The following SNED1 variants were observed in gnomAD, a reference collection of about 807,000 sequenced individuals.
SNED1 encodes sushi, nidogen and EGF like domains 1.
SNED1 carries 81 observed loss-of-function variants against 166.7 expected under a neutral mutation model. The ratio of observed to expected loss-of-function variants is 0.49; its 90% CI spans 0.41 to 0.58. The LOEUF (loss-of-function observed/expected upper bound fraction) is 0.58. Ranked by LOEUF, SNED1 falls within the 20% of genes least tolerant of loss-of-function variation. The pLI is 0.00. For missense variants in SNED1, 1,604 were observed against 2,000.2 expected (o/e 0.80, Z 3.78); for synonymous variants, 762 against 822.0 (o/e 0.93, Z 1.25).
At chr2:241,012,997 G>A (rs540957850) in intron 1 of SNED1, among the ~76,000 whole-genome samples, 5 of 151,926 alleles carry the variant, frequency 3.3e-5, no homozygotes, top group South Asian at 2.1e-4. Flanking sequence ...CACCACGCCC[G>A]CTAATTTTTT....
chr2:241,033,602 A>G, intron 2 of SNED1, 133 bp from the exon 3 acceptor site: 2 of 1,053,070 alleles, frequency 1.9e-6, no homozygotes, highest in Non-Finnish European at 2.7e-6. Flanking sequence ...CTGCCCGTCC[A>G]GCTGGAAGAC....
chr2:241,034,524 C>T (rs1228120231), intron 3 of SNED1, 44 bp from the exon 4 acceptor site: 3 of 1,534,284 alleles, frequency 2.0e-6, no homozygotes, highest in East Asian at 2.3e-5. Flanking sequence ...CTCTGTAGAC[C>T]TGGGGAACTG....
chr2:241,035,975 G>C (rs1574947583), intron 4 of SNED1, among the ~76,000 whole-genome samples: 1 of 68,098 alleles, frequency 1.5e-5, no homozygotes, highest in Non-Finnish European at 2.8e-5. Context: ...GGGCGTAGTA[G>C]GGGTGGGGGG....
At chr2:241,050,213 T>A (rs1015014192) in intron 12 of SNED1, among the ~76,000 whole-genome samples, 1 of 152,234 alleles carries the variant, frequency 6.6e-6, no homozygotes, top group African/African-American at 2.4e-5. Flanking sequence ...GATTTTAGAA[T>A]CATTATATCA....
intron 1 of SNED1, among the ~76,000 whole-genome samples, chr2:241,001,555 C>T (rs1030203700): frequency 2.0e-5 from 3 of 152,356 alleles, no homozygotes; most frequent in East Asian, 3.9e-4. Context: ...GAGCGTGGCG[C>T]GCCGAGGAGT....
chr2:241,088,352 C>CTAAT lies in SNED1; in HGVS notation c.4206-10_4206-7dup. The CTAAT allele has an allele frequency of 1.2e-6, 2 of 1,600,986 alleles. No homozygotes were observed. The highest frequency in any genetic ancestry group is 1.7e-6 in the Non-Finnish European group (2 of 1,168,066). On this transcript the variant is annotated splice_polypyrimidine_tract_variant and intron_variant, in intron 30 of 31. Transcript: ENST00000310397. ...CTCTTTTTCATTAAACGACTTTTCTCTAATTATTTCAGGAAACAAAGTAAG... is the reference window on the plus strand; with the variant it reads ...CTCTTTTTCATTAAACGACTTTTCTCTAATTAATTATTTCAGGAAACAAAGTAAG...
intron 6 of SNED1, among the ~76,000 whole-genome samples, chr2:241,038,277 A>G (rs2061432081): frequency 6.6e-6 from 1 of 152,222 alleles, no homozygotes; most frequent in African/African-American, 2.4e-5. Flanking sequence ...CAATATCTCA[A>G]TCTAGAAAAA....
At chr2:241,079,138 C>T (rs1193607794) in intron 27 of SNED1, among the ~76,000 whole-genome samples, 3 of 125,668 alleles carry the variant, frequency 2.4e-5, no homozygotes, top group Admixed American at 8.7e-5. Flanking sequence ...AAAGGCCGGG[C>T]GCGGTGGCTC....
At chr2:241,046,128 C>A (rs1044579765) in intron 8 of SNED1, among the ~76,000 whole-genome samples, 1 of 152,154 alleles carries the variant, frequency 6.6e-6, no homozygotes, top group Non-Finnish European at 1.5e-5. Flanking sequence ...TCACAACAAA[C>A]TCATTAGAAT....
rs1351710799 is a variant in SNED1, at chr2:241,094,641, C to T, written c.*3005C>T. On this transcript the variant is annotated 3_prime_UTR_variant, in exon 32 of 32. Coordinates refer to ENST00000310397, the MANE Select transcript of SNED1 (RefSeq NM_001080437.3). This position sits in a 1 kb window ranked among gnomAD's most constrained non-coding sequence, Gnocchi z 4.3. ...TGAACAGTCACATTACTGTTGTGGA[C>T]CAGGCCTTAGATGAGTTTCTCAGGC... 13 of 339,110 alleles carry T rather than the reference C, an allele frequency of 3.8e-5. No individual in the cohort carries two copies. The highest frequency in any genetic ancestry group is 6.9e-5 in the Non-Finnish European group (12 of 173,404). 21.0% of individuals were successfully genotyped at this position (339,110 alleles called of 1,614,324 possible). A position where few individuals can be genotyped will look rare whatever the true frequency, so the allele number is the denominator to read the frequency against.
Position 241,078,195 on chromosome 2 carries a change from C to T in SNED1, c.3917-3482C>T, listed in dbSNP as rs184374138. ...GTCAGGCGTTCGAGACAAGTCTGGC[C>T]AACGCGGTGAAACCCCGTCTCTACT... On this transcript the variant is annotated intron_variant, in intron 27 of 31. Coordinates refer to ENST00000310397, the MANE Select transcript of SNED1 (RefSeq NM_001080437.3). Among the ~76,000 whole-genome samples, 995 of 150,488 alleles carry T rather than the reference C, an allele frequency of 6.6e-3. 7 individuals carry two copies. The highest frequency in any genetic ancestry group is 0.011 in the Non-Finnish European group (750 of 67,882).
intron 27 of SNED1, among the ~76,000 whole-genome samples, chr2:241,077,719 T>C (rs1478296092): frequency 6.6e-6 from 1 of 152,202 alleles, no homozygotes; most frequent in Non-Finnish European, 1.5e-5. Context: ...AAGGAAGATA[T>C]GCAAATGGCC....
chr2:241,074,835 T>C (rs2062944540), intron 27 of SNED1: 1 of 152,210 alleles, frequency 6.6e-6, no homozygotes, highest in African/African-American at 2.4e-5. Flanking sequence ...ATGTGAACGA[T>C]ACCTTCTATC....
At chr2:241,067,705 C>G (rs2062519772) in intron 21 of SNED1, 59 bp from the exon 22 acceptor site, 2 of 1,478,362 alleles carry the variant, frequency 1.4e-6, no homozygotes, top group Non-Finnish European at 1.9e-6. Flanking sequence ...TCTTGAGCCC[C>G]TGCACTCCCC....
At position 241,069,103 on chromosome 2, in the gene SNED1, C is replaced by T; in HGVS notation, c.3307+80C>T. On this transcript the variant is annotated intron_variant, in intron 23 of 31. Coordinates refer to ENST00000310397, the MANE Select transcript of SNED1 (RefSeq NM_001080437.3). The surrounding 1 kb of genome is among the most constrained non-coding windows in gnomAD (Gnocchi z 4.9). ...GGCTTCCTTCCAGCCTCCCCTAGTC[C>T]TCTCCAAAGCGTCCACAACACCAGA... 1.1e-6 allele frequency: 1 copy of T among 945,948 alleles called. No individual in the cohort carries two copies. The highest frequency in any genetic ancestry group is 2.5e-5 in the Admixed American group (1 of 39,396). The allele number at this position is 945,948 out of a possible 1,614,324, so 58.6% of individuals were successfully genotyped here.
At chr2:241,058,152 TC>T (rs2062119681) in intron 16 of SNED1, among the ~76,000 whole-genome samples, 1 of 152,076 alleles carries the variant, frequency 6.6e-6, no homozygotes, top group South Asian at 2.1e-4. Flanking sequence ...TATATTACTA[TC>T]AGAAAAAGAA....
At position 241,003,115 on chromosome 2, in the gene SNED1, C is replaced by T. The variant is rs189046327; in HGVS notation, c.213+4065C>T. On this transcript the variant is annotated intron_variant, in intron 1 of 31. Coordinates refer to ENST00000310397, the MANE Select transcript of SNED1 (RefSeq NM_001080437.3). ...CCCGCTACGCTTCCCTGCCCCCCTCCGCCCTCCCCCGGGCCCCCCGCTCAG... is the reference window on the plus strand; with the variant it reads ...CCCGCTACGCTTCCCTGCCCCCCTCTGCCCTCCCCCGGGCCCCCCGCTCAG... 4.9e-3 allele frequency among the ~76,000 whole-genome samples: 732 copies of T among 150,008 alleles called. 2 individuals are homozygous for T. The highest frequency in any genetic ancestry group is 6.8e-3 in the Middle Eastern group (2 of 294).
chr2:241,043,142 A>G (rs2061561376), intron 8 of SNED1, among the ~76,000 whole-genome samples: 1 of 152,264 alleles, frequency 6.6e-6, no homozygotes, highest in Admixed American at 6.5e-5. Flanking sequence ...ATAATACCCA[A>G]ACATTTTCCA....
At chr2:241,001,224 C>T (rs1199019570) in intron 1 of SNED1, among the ~76,000 whole-genome samples, 1 of 152,252 alleles carries the variant, frequency 6.6e-6, no homozygotes, top group African/African-American at 2.4e-5. Flanking sequence ...TGTCGCTTGA[C>T]CAAGAGTAGG....
Sources: gnomAD v4.1 joint callset for allele counts (sites outside exome capture counted in the v4.1 genomes callset) on GRCh38, gnomAD v4.1.1 for gene constraint, Gnocchi (gnomAD v3.1) non-coding constraint, MANE v1.5 for transcripts, NCBI Gene and HGNC (gene_info 2026-07-23, HGNC 2026-07-21) for gene names.